The following C1orf167 variants were observed in gnomAD, a reference collection of about 807,000 sequenced individuals.
C1orf167 encodes the protein chromosome 1 open reading frame 167.
C1orf167 carries 153 observed loss-of-function variants against 176.5 expected under a neutral mutation model. The ratio of observed to expected loss-of-function variants is 0.87; its 90% CI spans 0.76 to 0.99. The LOEUF (loss-of-function observed/expected upper bound fraction) is 0.99. Ranked by LOEUF, C1orf167 falls within the 50% of genes least tolerant of loss-of-function variation. The pLI is 0.00. For synonymous variants in C1orf167, 594 were observed against 752.7 expected (o/e 0.79, Z 3.45); for missense variants, 1,490 against 1,817.7 (o/e 0.82, Z 3.28).
intron 17 of C1orf167, 114 bp downstream of exon 17, chr1:11,787,607 G>A (rs1458245690): frequency 1.2e-6 from 1 of 831,632 alleles, no homozygotes; most frequent in Non-Finnish European, 1.6e-6. Context: ...TATGTGTATT[G>A]ACCATTCTCC....
chr1:11,769,387 C>T (rs563592669), intron 6 of C1orf167, among the ~76,000 whole-genome samples: 1 of 152,192 alleles, frequency 6.6e-6, no homozygotes, highest in Admixed American at 6.6e-5. Context: ...GGCAACATAG[C>T]GAGACCCCGT....
Position 11,784,495 on chromosome 1 carries a change from G to A in C1orf167, c.3327G>A (p.Gln1109=). The A allele has an allele frequency of 7.7e-7, 1 of 1,303,124 alleles. No individual in the cohort carries two copies. Among genetic ancestry groups the A allele is most frequent in the Non-Finnish European group, 1.0e-6 (1 of 988,882 alleles). 80.7% of individuals were successfully genotyped at this position (1,303,124 alleles called of 1,614,324 possible). A position where few individuals can be genotyped will look rare whatever the true frequency, so the allele number is the denominator to read the frequency against. ...QQQAGESAGA[Q]AAQCWTWCWA... is the part of the protein sequence containing the mutation. ...AGGCAGGAGAGAGCGCTGGGGCCCAGGCAGCCCAGTGCTGGACTTGGTGCT... is the reference window on the plus strand; with the variant it reads ...AGGCAGGAGAGAGCGCTGGGGCCCAAGCAGCCCAGTGCTGGACTTGGTGCT... The change falls in exon 15 of 21, where the codon CAG becomes CAA. Residue 1109 remains glutamine (Q), a synonymous_variant. Coordinates refer to ENST00000688073, the MANE Select transcript of C1orf167 (RefSeq NM_001010881.2).
chr1:11,765,844 C>A lies in C1orf167; in HGVS notation c.71-13C>A, dbSNP rs1167067722. 1 of 1,188,168 alleles carries A rather than the reference C, an allele frequency of 8.4e-7. No homozygotes were observed. Among genetic ancestry groups the A allele is most frequent in the African/African-American group, 1.6e-5 (1 of 62,622 alleles). The allele number at this position is 1,188,168 out of a possible 1,614,324, so 73.6% of individuals were successfully genotyped here. A position where few individuals can be genotyped will look rare whatever the true frequency, so the allele number is the denominator to read the frequency against. On this transcript the variant is annotated splice_polypyrimidine_tract_variant and intron_variant, in intron 2 of 20. Transcript: ENST00000688073. ...CCAGCCACCCAAGTCATGACTGTCT[C>A]TCCTCTCTTTAGAGCAACGAAGATT...
At position 11,778,722 on chromosome 1, in the gene C1orf167, G is replaced by A. The variant is rs1489994642; in HGVS notation, c.2402G>A (p.Arg801Lys). ...LQRSLRWWHL[R>K]ALGPDATSSC... is the part of the protein sequence containing the mutation. The stretch of plus-strand genomic sequence containing the variant: ...CGCAGCCTGAGATGGTGGCACTTGA[G>A]GGCACTGGGCCCAGATGCCACATCA... Residue 801 changes from arginine (R) to lysine (K), a missense_variant, in exon 11 of 21, where the codon AGG becomes AAG. By Grantham distance (26) the Arg-to-Lys change is conservative. Transcript: ENST00000688073. 7.7e-7 allele frequency: 1 copy of A among 1,304,068 alleles called. No individual in the cohort carries two copies. The highest frequency in any genetic ancestry group is 5.6e-5 in the East Asian group (1 of 18,000). The allele number at this position is 1,304,068 out of a possible 1,614,324, so 80.8% of individuals were successfully genotyped here. A position where few individuals can be genotyped will look rare whatever the true frequency, so the allele number is the denominator to read the frequency against.
intron 10 of C1orf167, chr1:11,777,970 A>G (rs1292920980): frequency 6.6e-6 from 1 of 152,126 alleles, no homozygotes; most frequent in Non-Finnish European, 1.5e-5. Context: ...CAGCTTTCTT[A>G]TCTTTATAAG....
At chr1:11,771,763 T>G in intron 7 of C1orf167, 127 bp downstream of exon 7, 1 of 564,356 alleles carries the variant, frequency 1.8e-6, no homozygotes, top group Non-Finnish European at 2.8e-6. Flanking sequence ...TTTGGCACAT[T>G]CCCAGAGACA....
intron 6 of C1orf167, among the ~76,000 whole-genome samples, chr1:11,771,049 G>GTGTGTGTGTGTGTATA (rs1491322371): frequency 1.1e-4 from 4 of 34,912 alleles, no homozygotes; most frequent in Admixed American, 5.1e-4. Flanking sequence ...GTGTGTGTGT[G>GTGTGTGTGTGTGTATA]TATATATATA....
chr1:11,776,866 G>C (rs772594817), intron 10 of C1orf167, among the ~76,000 whole-genome samples: 5 of 152,172 alleles, frequency 3.3e-5, no homozygotes, highest in Non-Finnish European at 5.9e-5. Context: ...TGAGCAGAGG[G>C]CCACTGGGGG....
chr1:11,773,401 A>AAAAAAGT (rs1643170794), intron 8 of C1orf167, among the ~76,000 whole-genome samples: 1 of 152,018 alleles, frequency 6.6e-6, no homozygotes, highest in South Asian at 2.1e-4. Context: ...CTAAAAGATA[A>AAAAAAGT]GGACTCTTTA....
intron 6 of C1orf167, among the ~76,000 whole-genome samples, chr1:11,770,749 A>G (rs1054065665): frequency 1.3e-5 from 2 of 150,816 alleles, no homozygotes; most frequent in African/African-American, 4.9e-5. Context: ...GACGTGAGCC[A>G]CTGCGCCCGG....
chr1:11,788,144 G>T lies in C1orf167; in HGVS notation c.3849-5G>T, dbSNP rs1230243107. 25 of 1,284,178 alleles carry T rather than the reference G, an allele frequency of 1.9e-5. No homozygotes were observed. Among genetic ancestry groups the T allele is most frequent in the Non-Finnish European group, 2.4e-5 (23 of 973,544 alleles). 79.5% of individuals were successfully genotyped at this position (1,284,178 alleles called of 1,614,324 possible). ...CATGGCTACAGCTGGGCCCTCTCTGGCCAGTGCTCGTTCCTGCAGGATCCT... is the reference window on the plus strand; with the variant it reads ...CATGGCTACAGCTGGGCCCTCTCTGTCCAGTGCTCGTTCCTGCAGGATCCT... On this transcript the variant is annotated splice_region_variant and splice_polypyrimidine_tract_variant and intron_variant, in intron 18 of 20. Transcript: ENST00000688073.
chr1:11,784,073 G>C, intron 14 of C1orf167, 101 bp from the exon 15 acceptor site: 1 of 1,087,520 alleles, frequency 9.2e-7, no homozygotes, highest in South Asian at 1.6e-5. Flanking sequence ...GGTCAGGCTG[G>C]TCTCAAACTG....
rs979286351 is a variant in C1orf167, at chr1:11,781,143, G to A, written c.2861-1046G>A. On this transcript the variant is annotated intron_variant, in intron 13 of 20. Coordinates refer to ENST00000688073, the MANE Select transcript of C1orf167 (RefSeq NM_001010881.2). ...TCCCCTCGTAGCTGGGATTACAGGC[G>A]CCTGCCACCACACCTGGCTAATTTT... Among the ~76,000 whole-genome samples, 6 of 151,744 alleles carry A rather than the reference G, an allele frequency of 4.0e-5. No individual in the cohort carries two copies. The South Asian group carries it at 6.2e-4, about 16-fold the overall frequency.
At position 11,768,228 on chromosome 1, in the gene C1orf167, G is replaced by T; in HGVS notation, c.1495G>T (p.Ala499Ser). 3 of 1,289,932 alleles carry T rather than the reference G, an allele frequency of 2.3e-6. No individual in the cohort carries two copies. The highest frequency in any genetic ancestry group is 3.0e-6 in the Non-Finnish European group (3 of 988,868). 79.9% of individuals were successfully genotyped at this position (1,289,932 alleles called of 1,614,324 possible). Residue 499 changes from alanine (A) to serine (S), a missense_variant, in exon 5 of 21, where the codon GCA becomes TCA. By Grantham distance (99) the Ala-to-Ser change is moderately conservative. Coordinates refer to ENST00000688073, the MANE Select transcript of C1orf167 (RefSeq NM_001010881.2). The surrounding 1 kb of genome is among the most constrained non-coding windows in gnomAD (Gnocchi z 4.5). ...LWLREAQLEA[A>S]WGQYTKVLLV... ...GCTCCGGGAGGCTCAGCTGGAGGCA[G>T]CATGGGGGCAGTACACAAAGGTTCT...
intron 9 of C1orf167, among the ~76,000 whole-genome samples, 200 bp from the exon 10 acceptor site, chr1:11,776,264 A>G (rs1437581216): frequency 7.6e-6 from 1 of 131,766 alleles, no homozygotes; most frequent in Non-Finnish European, 1.6e-5. Flanking sequence ...TCTCAAAGAA[A>G]CAAAAAACAA....
intron 4 of C1orf167, 33 bp downstream of exon 4, chr1:11,767,297 G>C: frequency 8.2e-7 from 1 of 1,212,690 alleles, no homozygotes; most frequent in Non-Finnish European, 1.1e-6. Context: ...ACAGGGGTTG[G>C]AGTTGGGGGA....
In C1orf167 at chr1:11,766,835, C is replaced by A. The variant is rs934785511; in HGVS notation, c.1049C>A (p.Pro350His). The A allele has an allele frequency of 3.2e-5, 41 of 1,287,920 alleles. No individual in the cohort carries two copies. Among genetic ancestry groups the A allele is most frequent in the Non-Finnish European group, 4.2e-5 (41 of 987,698 alleles). 79.8% of individuals were successfully genotyped at this position (1,287,920 alleles called of 1,614,324 possible). The part of the protein sequence containing the change: ...NPEQGLPPAH[P>H]LGSGDSCSPW... ...GAGCAGGGGCTCCCTCCTGCCCACC[C>A]CCTAGGGTCAGGGGACAGCTGCTCC... The change falls in exon 3 of 21, where the codon CCC (proline) becomes CAC (histidine). Residue 350 changes from proline to histidine, a missense_variant. By Grantham distance (77) the Pro-to-His change is moderately conservative. Transcript: ENST00000688073. This position sits in a 1 kb window ranked among gnomAD's most constrained non-coding sequence, Gnocchi z 4.5.
Position 11,762,194 on chromosome 1 carries a change from A to G in C1orf167, c.-182A>G, listed in dbSNP as rs1469051610. Reference sequence around the variant, plus strand: ...GCGGGGCAGCACGCTCTGCTCTCCGACGTCCCCTCCCGCCCGCGACCTGCC... The same window carrying G: ...GCGGGGCAGCACGCTCTGCTCTCCGGCGTCCCCTCCCGCCCGCGACCTGCC... On this transcript the variant is annotated 5_prime_UTR_variant, in exon 1 of 21. Coordinates refer to ENST00000688073, the MANE Select transcript of C1orf167 (RefSeq NM_001010881.2). 16 of 450,206 alleles carry G rather than the reference A, an allele frequency of 3.6e-5. No individual in the cohort carries two copies. In the East Asian group the frequency reaches 9.2e-4, roughly 26 times the overall value. The allele number at this position is 450,206 out of a possible 1,614,324, so 27.9% of individuals were successfully genotyped here. A position where few individuals can be genotyped will look rare whatever the true frequency, so the allele number is the denominator to read the frequency against.
rs982746652 is a variant in C1orf167, at chr1:11,776,364, G to T, written c.2165-100G>T. The T allele has an allele frequency of 3.6e-6, 4 of 1,096,338 alleles. No individual in the cohort carries two copies. In the Admixed American group the frequency reaches 1.4e-4, roughly 38 times the overall value. 67.9% of individuals were successfully genotyped at this position (1,096,338 alleles called of 1,614,324 possible). ...GAAGCGGTGGGACGGGACAAGAGGG[G>T]AGAGCTCCCAAGAGGGGCCTGAGGC... On this transcript the variant is annotated intron_variant, in intron 9 of 20. Transcript: ENST00000688073.
Sources: gnomAD v4.1 joint callset for allele counts (sites outside exome capture counted in the v4.1 genomes callset) on GRCh38, gnomAD v4.1.1 for gene constraint, Gnocchi (gnomAD v3.1) non-coding constraint, MANE v1.5 for transcripts, NCBI Gene and HGNC (gene_info 2026-07-23, HGNC 2026-07-21) for gene names.